The following NCMAP variants were observed in gnomAD, a reference collection of about 807,000 sequenced individuals.
NCMAP encodes the protein noncompact myelin-associated protein.
NCMAP carries 8 observed loss-of-function variants against 7.8 expected under a neutral mutation model. The ratio of observed to expected loss-of-function variants is 1.02; its 90% CI spans 0.60 to 1.84. NCMAP has a LOEUF of 1.84. Ranked by LOEUF, NCMAP falls within the 40% of genes most tolerant of loss-of-function variation. The probability of loss-of-function intolerance (pLI) is 0.00; values close to 1 mark genes in which losing one functional copy is unlikely to be tolerated. For synonymous variants in NCMAP, 41 were observed against 52.9 expected (o/e 0.78, Z 0.98); for missense variants, 112 against 131.4 (o/e 0.85, Z 0.72).
intron 2 of NCMAP, among the ~76,000 whole-genome samples, chr1:24,598,401 C>T (rs990181646): frequency 6.6e-6 from 1 of 152,044 alleles, no homozygotes; most frequent in African/African-American, 2.4e-5. Flanking sequence ...CATCCTCCAC[C>T]CCCCCAAGGG....
intron 1 of NCMAP, among the ~76,000 whole-genome samples, chr1:24,573,952 C>CGAAAAAAAAAA (rs1651466411): frequency 1.2e-5 from 1 of 84,454 alleles, no homozygotes; most frequent in African/African-American, 5.4e-5. Flanking sequence ...CCAGAGAGGA[C>CGAAAAAAAAAA]AAAAAAAAAA....
intron 1 of NCMAP, among the ~76,000 whole-genome samples, chr1:24,574,537 G>A (rs1421305267): frequency 6.6e-6 from 1 of 152,074 alleles, no homozygotes. Context: ...ACCGGACTTC[G>A]CAGCCTCCAC....
At chr1:24,562,975 T>TG (rs76140602) in intron 1 of NCMAP, among the ~76,000 whole-genome samples, 16,082 of 151,994 alleles carry the variant, frequency 0.11, 1,110 homozygotes, top group African/African-American at 0.19. Context: ...CTGGCATCCC[T>TG]GGGGGGGGAC....
rs568424927 is a variant in NCMAP, at chr1:24,607,283, G to A, written c.*1536G>A. ...CCCAAAGTGCTGGGATTACAGGCAT[G>A]GACTATGGTGCCCAGCCTAGGAGCC... On this transcript the variant is annotated 3_prime_UTR_variant, in exon 4 of 4. Transcript: ENST00000374392. 1 of 152,126 alleles carries A rather than the reference G, an allele frequency of 6.6e-6. No homozygotes were observed. Among genetic ancestry groups the A allele is most frequent in the East Asian group, 1.9e-4 (1 of 5,166 alleles). The allele number at this position is 152,126 out of a possible 1,614,324, so 9.4% of individuals were successfully genotyped here.
rs191857023 is a variant in NCMAP at position 24,586,526 on chromosome 1, G to T, written c.-7-8898G>T. On this transcript the variant is annotated intron_variant, in intron 1 of 3. Coordinates refer to ENST00000374392, the MANE Select transcript of NCMAP (RefSeq NM_001010980.5). ...GCCTGTAATCCCAGCACTTTGGGAG[G>T]CCGAGGAGGGCGGATCACAAGGTCA... Among the ~76,000 whole-genome samples the T allele has an allele frequency of 1.8e-4, 28 of 152,330 alleles. No individual in the cohort carries two copies. The East Asian group carries it at 2.7e-3, about 15-fold the overall frequency.
chr1:24,557,027 A>G (rs924603540), intron 1 of NCMAP, among the ~76,000 whole-genome samples: 2 of 152,184 alleles, frequency 1.3e-5, no homozygotes, highest in African/African-American at 4.8e-5. Flanking sequence ...GACAGATTAA[A>G]TCAGATAACT....
chr1:24,600,888 G>C, intron 2 of NCMAP, 52 bp from the exon 3 acceptor site: 5 of 1,550,228 alleles, frequency 3.2e-6, no homozygotes, highest in Middle Eastern at 1.9e-4. Context: ...GCGCCCTCCT[G>C]GTCTGCGTTC....
chr1:24,605,951 C>A lies in NCMAP; in HGVS notation c.*204C>A. ...AACTGTGTCCACATCCCTGCCGCCACCCCACCAAAAAGCTGCAGAACATTC... is the reference window on the plus strand; with the variant it reads ...AACTGTGTCCACATCCCTGCCGCCAACCCACCAAAAAGCTGCAGAACATTC... On this transcript the variant is annotated 3_prime_UTR_variant, in exon 4 of 4. Transcript: ENST00000374392. The A allele has an allele frequency of 1.8e-6, 1 of 557,568 alleles. No individual in the cohort carries two copies. Among genetic ancestry groups the A allele is most frequent in the Non-Finnish European group, 3.1e-6 (1 of 322,958 alleles). 34.5% of individuals were successfully genotyped at this position (557,568 alleles called of 1,614,324 possible).
chr1:24,566,047 C>T (rs1322307661), intron 1 of NCMAP, among the ~76,000 whole-genome samples: 1 of 152,152 alleles, frequency 6.6e-6, no homozygotes, highest in African/African-American at 2.4e-5. Flanking sequence ...TACCTTGGTT[C>T]CCCTTCTCCT....
chr1:24,591,154 T>C (rs895977746), intron 1 of NCMAP, among the ~76,000 whole-genome samples: 6 of 152,248 alleles, frequency 3.9e-5, no homozygotes, highest in Admixed American at 6.5e-5. Flanking sequence ...GACAAAGCAG[T>C]GGACACATGC....
rs192462898 is a variant in NCMAP at position 24,561,522 on chromosome 1, G to A, written c.-8+5353G>A. 1.0e-3 allele frequency among the ~76,000 whole-genome samples: 156 copies of A among 152,272 alleles called. 1 individual carries two copies. Among genetic ancestry groups the A allele is most frequent in the Middle Eastern group, 3.4e-3 (1 of 294 alleles). On this transcript the variant is annotated intron_variant, in intron 1 of 3. Coordinates refer to ENST00000374392, the MANE Select transcript of NCMAP (RefSeq NM_001010980.5). ...CATGCCACCTGCACCTAATGGAGAC[G>A]TGGGTCCTCCAGCTAACAAGCACAG... is the stretch of plus-strand genomic sequence containing the variant.
Position 24,605,622 on chromosome 1 carries a change from C to G in NCMAP, c.184C>G (p.Arg62Gly). 6.2e-7 allele frequency: 1 copy of G among 1,614,180 alleles called. No homozygotes were observed. The highest frequency in any genetic ancestry group is 8.5e-7 in the Non-Finnish European group (1 of 1,180,038). The change falls in exon 4 of 4, where the codon CGG becomes GGG. Residue 62 changes from arginine (R) to glycine (G), a missense_variant. Transcript: ENST00000374392. The part of the protein sequence containing the change: ...KMYNRKMRTR[R>G]ELEPKGPKPT... ...TCCCTACAGGAAAATGAGGACGAGG[C>G]GGGAACTAGAGCCCAAGGGCCCCAA...
rs147452276 is a variant in NCMAP, at chr1:24,600,955, T to C, written c.98T>C (p.Val33Ala). Residue 33 changes from valine (V) to alanine (A), a missense_variant, in exon 3 of 4, where the codon GTT (valine) becomes GCT (alanine). Physicochemically the swap from Val to Ala is moderately conservative, Grantham distance 64. Transcript: ENST00000374392. ...CTTTCTGTAGGTTCTGGAGCCATTG[T>C]TGCTGCCGTTGTGGTGGTTGTCATC... The part of the protein sequence containing the change: ...DFLYKSSGAI[V>A]AAVVVVVIII... 229 of 1,614,014 alleles carry C rather than the reference T, an allele frequency of 1.4e-4. No homozygotes were observed. The highest frequency in any genetic ancestry group is 1.5e-4 in the Non-Finnish European group (179 of 1,180,032).
chr1:24,606,920 T>C lies in NCMAP; in HGVS notation c.*1173T>C, dbSNP rs1410050529. 3 of 152,162 alleles carry C rather than the reference T, an allele frequency of 2.0e-5. No homozygotes were observed. In the East Asian group the frequency reaches 5.8e-4, roughly 29 times the overall value. The allele number at this position is 152,162 out of a possible 1,614,324, so 9.4% of individuals were successfully genotyped here. A position where few individuals can be genotyped will look rare whatever the true frequency, so the allele number is the denominator to read the frequency against. Reference sequence around the variant, plus strand: ...CAAGTGAAGGACTTAGGAAAACATCTGGAGTATAGCGCCTGGCACCCAGGA... The same window carrying C: ...CAAGTGAAGGACTTAGGAAAACATCCGGAGTATAGCGCCTGGCACCCAGGA... On this transcript the variant is annotated 3_prime_UTR_variant, in exon 4 of 4. Coordinates refer to ENST00000374392, the MANE Select transcript of NCMAP (RefSeq NM_001010980.5).
At chr1:24,560,731 A>G (rs1391442016) in intron 1 of NCMAP, among the ~76,000 whole-genome samples, 2 of 150,580 alleles carry the variant, frequency 1.3e-5, no homozygotes, top group African/African-American at 4.9e-5. Context: ...GTGACAGAGC[A>G]AGACCCTATC....
Position 24,585,120 on chromosome 1 carries a change from G to A in NCMAP, c.-7-10304G>A, listed in dbSNP as rs75749757. ...ATTGTGTATGGCCTCCAGTTCAGGG[G>A]AGCACACGGCAGAATTCCTACCCCA... On this transcript the variant is annotated intron_variant, in intron 1 of 3. Transcript: ENST00000374392. 8.6e-3 allele frequency among the ~76,000 whole-genome samples: 1,313 copies of A among 152,224 alleles called. 23 individuals are homozygous for A. The highest frequency in any genetic ancestry group is 0.03 in the African/African-American group (1,251 of 41,532).
At chr1:24,580,591 C>T (rs1651715945) in intron 1 of NCMAP, among the ~76,000 whole-genome samples, 1 of 152,190 alleles carries the variant, frequency 6.6e-6, no homozygotes, top group South Asian at 2.1e-4. Context: ...GCTGGGACTA[C>T]AGGCATGCAC....
chr1:24,581,082 G>A (rs1181504161), intron 1 of NCMAP, among the ~76,000 whole-genome samples: 1 of 150,996 alleles, frequency 6.6e-6, no homozygotes, highest in Non-Finnish European at 1.5e-5. Flanking sequence ...GAATAGTCGT[G>A]CTCCATCTAG....
intron 1 of NCMAP, among the ~76,000 whole-genome samples, chr1:24,577,401 G>GTTTTTTTTTGTTT (rs1651605073): frequency 1.3e-4 from 5 of 39,958 alleles, no homozygotes; most frequent in African/African-American, 3.2e-4. Flanking sequence ...CACTGGCCTT[G>GTTTTTTTTTGTTT]TTTTTTTTTT....
Sources: allele counts gnomAD v4.1 joint callset (sites outside exome capture counted in the v4.1 genomes callset), GRCh38; gene constraint gnomAD v4.1.1; transcripts MANE v1.5; gene names NCBI Gene and HGNC (gene_info 2026-07-23, HGNC 2026-07-21).